Variants in SLC24A3 observed in about 807,000 individuals in gnomAD.
SLC24A3 encodes sodium/potassium/calcium exchanger 3.
A neutral mutation model predicts 75.8 loss-of-function variants in SLC24A3; 28 were observed. The observed-to-expected ratio is 0.37, with a 90% CI of 0.27 to 0.51. SLC24A3 has a LOEUF of 0.51. Ranked by LOEUF, SLC24A3 falls within the 20% of genes least tolerant of loss-of-function variation. The pLI, the probability that SLC24A3 is intolerant of heterozygous loss-of-function variation, is 0.94. For synonymous variants in SLC24A3, 372 were observed against 334.1 expected, an observed-to-expected ratio of 1.11 and a Z score of -1.24; for missense variants, 663 against 847.8, an observed-to-expected ratio of 0.78 and a Z score of 2.71.
chr20:19,614,026 T>C (rs967323022), intron 6 of SLC24A3, among the ~76,000 whole-genome samples: 1 of 152,214 alleles, frequency 6.6e-6, no homozygotes, highest in African/African-American at 2.4e-5. Flanking sequence ...TGGCTCTGCC[T>C]CCCAGTTGTG....
At chr20:19,576,105 A>C (rs964127833) in intron 3 of SLC24A3, among the ~76,000 whole-genome samples, 2 of 152,072 alleles carry the variant, frequency 1.3e-5, no homozygotes, top group African/African-American at 2.4e-5. Context: ...TCCCTGCCTC[A>C]TATAATATTT....
At chr20:19,325,728 ATATATG>A (rs1354753600) in intron 2 of SLC24A3, among the ~76,000 whole-genome samples, 2 of 135,176 alleles carry the variant, frequency 1.5e-5, no homozygotes, top group African/African-American at 3.2e-5. Flanking sequence ...ATGCATATAT[ATATATG>A]TGTGTGTGTG....
At chr20:19,268,366 T>C (rs966168918) in intron 1 of SLC24A3, among the ~76,000 whole-genome samples, 10 of 152,200 alleles carry the variant, frequency 6.6e-5, no homozygotes, top group African/African-American at 2.4e-4. Flanking sequence ...CTTTCCAATC[T>C]CCAATAAGTT....
chr20:19,705,825 T>G (rs2032924393), intron 15 of SLC24A3, among the ~76,000 whole-genome samples: 1 of 152,172 alleles, frequency 6.6e-6, no homozygotes, highest in South Asian at 2.1e-4. Flanking sequence ...TGAATGCAGT[T>G]TTACAGATTT....
chr20:19,379,214 G>A (rs540606216), intron 2 of SLC24A3, among the ~76,000 whole-genome samples: 17 of 152,194 alleles, frequency 1.1e-4, no homozygotes, highest in South Asian at 1.0e-3. Flanking sequence ...CATTTACTCC[G>A]TCACATATGT....
At chr20:19,369,512 T>G (rs751813271) in intron 2 of SLC24A3, among the ~76,000 whole-genome samples, 8 of 152,240 alleles carry the variant, frequency 5.3e-5, no homozygotes, top group Non-Finnish European at 1.2e-4. Context: ...TTTTTACTTT[T>G]CTTGTAAAGA....
intron 6 of SLC24A3, among the ~76,000 whole-genome samples, chr20:19,602,499 A>G (rs1388736972): frequency 6.6e-6 from 1 of 152,156 alleles, no homozygotes; most frequent in African/African-American, 2.4e-5. Context: ...CCTCTTCTTT[A>G]AAGCTTCGAA....
intron 2 of SLC24A3, among the ~76,000 whole-genome samples, chr20:19,312,298 G>A (rs577003381): frequency 7.9e-5 from 12 of 152,150 alleles, no homozygotes; most frequent in African/African-American, 1.4e-4. Flanking sequence ...AGCCCAAGGC[G>A]CAGGGGACAG....
chr20:19,640,414 C>T (rs745636119), intron 6 of SLC24A3, among the ~76,000 whole-genome samples: 2 of 152,136 alleles, frequency 1.3e-5, no homozygotes, highest in East Asian at 1.9e-4. Flanking sequence ...TTATTTTATA[C>T]TCAGTTGTCC....
At chr20:19,565,184 C>T (rs369826590) in intron 3 of SLC24A3, among the ~76,000 whole-genome samples, 33 of 152,364 alleles carry the variant, frequency 2.2e-4, no homozygotes, top group African/African-American at 7.2e-4. Flanking sequence ...CTAGGTTTAG[C>T]TTTAATTTCA....
At chr20:19,391,359 T>TA (rs1365042365) in intron 2 of SLC24A3, among the ~76,000 whole-genome samples, 2 of 152,192 alleles carry the variant, frequency 1.3e-5, no homozygotes, top group African/African-American at 2.4e-5. Context: ...AGTGTGAGTC[T>TA]AGATGTGTGT....
At chr20:19,530,131 T>C (rs1463727163) in intron 3 of SLC24A3, among the ~76,000 whole-genome samples, 2 of 152,192 alleles carry the variant, frequency 1.3e-5, no homozygotes, top group Non-Finnish European at 2.9e-5. Flanking sequence ...AAAGCTCCTC[T>C]GTGAATGTAT....
chr20:19,325,800 A>G (rs1984842358), intron 2 of SLC24A3, among the ~76,000 whole-genome samples: 2 of 64,030 alleles, frequency 3.1e-5, no homozygotes, highest in Non-Finnish European at 5.6e-5. Flanking sequence ...ATATATAGAG[A>G]GAGAGAGAGA....
In SLC24A3 at chr20:19,585,499, C is replaced by T; in HGVS notation, c.567C>T (p.Phe189=). The T allele has an allele frequency of 6.2e-7, 1 of 1,614,184 alleles. No homozygotes were observed. Among genetic ancestry groups the T allele is most frequent in the Non-Finnish European group, 8.5e-7 (1 of 1,180,026 alleles). Residue 189 remains phenylalanine, a synonymous_variant, in exon 6 of 17, where the codon TTC becomes TTT. Coordinates refer to ENST00000328041, the MANE Select transcript of SLC24A3 (RefSeq NM_020689.4). ...GVGTIVGSAV[F]NILCIIGVCG... ...GCACCATCGTGGGCTCAGCGGTATT[C>T]AACATCCTGTGCATCATTGGTGTCT...
intron 6 of SLC24A3, among the ~76,000 whole-genome samples, chr20:19,609,825 A>G (rs1377367898): frequency 6.6e-6 from 1 of 152,182 alleles, no homozygotes; most frequent in Non-Finnish European, 1.5e-5. Flanking sequence ...CTGAAAAAGG[A>G]CTTTGAGACC....
intron 2 of SLC24A3, among the ~76,000 whole-genome samples, chr20:19,320,542 G>T (rs1220946206): frequency 6.6e-6 from 1 of 151,932 alleles, no homozygotes; most frequent in Non-Finnish European, 1.5e-5. Flanking sequence ...TATCACATCT[G>T]CTTGGTCTCT....
At chr20:19,239,979 C>T (rs566378448) in intron 1 of SLC24A3, among the ~76,000 whole-genome samples, 1 of 152,296 alleles carries the variant, frequency 6.6e-6, no homozygotes, top group Non-Finnish European at 1.5e-5. Context: ...TTTCTGTCTT[C>T]CTGCAGGCTG....
chr20:19,295,960 G>C (rs1044483448), intron 2 of SLC24A3, among the ~76,000 whole-genome samples: 23 of 152,128 alleles, frequency 1.5e-4, no homozygotes, highest in African/African-American at 5.1e-4. Context: ...ACCTCTGGTA[G>C]AATTCAGCTA....
chr20:19,695,518 T>C (rs2032794231), intron 13 of SLC24A3: 1 of 152,258 alleles, frequency 6.6e-6, no homozygotes, highest in African/African-American at 2.4e-5. Flanking sequence ...TTGCTTTTTC[T>C]ATATTTGCAT....
Sources: allele counts gnomAD v4.1 joint callset (sites outside exome capture counted in the v4.1 genomes callset), GRCh38; gene constraint gnomAD v4.1.1; transcripts MANE v1.5; gene names NCBI Gene and HGNC (gene_info 2026-07-23, HGNC 2026-07-21).